Variants in ITM2B observed in about 807,000 individuals in gnomAD.
ITM2B encodes the protein ABri/ADan amyloid peptide.
A neutral mutation model predicts 27.8 loss-of-function variants in ITM2B; 11 were observed. That is an observed-to-expected ratio of 0.40 (90% confidence interval 0.25 to 0.66). The LOEUF (loss-of-function observed/expected upper bound fraction) is 0.66. Ranked by LOEUF, ITM2B falls within the 30% of genes least tolerant of loss-of-function variation. ITM2B has a pLI of 0.43. For missense variants in ITM2B, 296 were observed against 328.9 expected (o/e 0.90, Z 0.77); for synonymous variants, 114 against 114.3 (o/e 1.00, Z 0.02).
At position 48,258,032 on chromosome 13, in the gene ITM2B, A is replaced by G; in HGVS notation, c.454-94A>G. On this transcript the variant is annotated intron_variant, in intron 3 of 5. Transcript: ENST00000647800. ...AAGTGATTTATACATTCTAAAGCCA[A>G]TTCATTTTAATGATACAAATTATTC... is the stretch of plus-strand genomic sequence containing the variant. The G allele has an allele frequency of 5.4e-6, 4 of 734,474 alleles. No individual in the cohort carries two copies. In the Admixed American group the frequency reaches 5.6e-5, roughly 10 times the overall value. 45.5% of individuals were successfully genotyped at this position (734,474 alleles called of 1,614,324 possible).
At chr13:48,247,009 A>ATTAGAGAC (rs1951727753) in intron 1 of ITM2B, among the ~76,000 whole-genome samples, 1 of 152,006 alleles carries the variant, frequency 6.6e-6, no homozygotes, top group Admixed American at 6.6e-5. Context: ...GTGTATTTTT[A>ATTAGAGAC]TTAGAGACGG....
intron 1 of ITM2B, among the ~76,000 whole-genome samples, chr13:48,246,187 C>G (rs1951723556): frequency 6.6e-6 from 1 of 152,186 alleles, no homozygotes. Flanking sequence ...ACTGTAAATA[C>G]TAATTTAACT....
chr13:48,249,243 A>C (rs559112839), intron 1 of ITM2B, among the ~76,000 whole-genome samples: 1 of 152,350 alleles, frequency 6.6e-6, no homozygotes, highest in South Asian at 2.1e-4. Context: ...ATGTGATCAT[A>C]TAGTGAGTAA....
chr13:48,251,454 G>A (rs78461840), intron 1 of ITM2B, among the ~76,000 whole-genome samples: 2 of 152,060 alleles, frequency 1.3e-5, no homozygotes, highest in African/African-American at 4.8e-5. Context: ...TGATCTAACA[G>A]GTCTCTTTCT....
chr13:48,253,588 A>G (rs1951766598), intron 1 of ITM2B, among the ~76,000 whole-genome samples: 1 of 152,178 alleles, frequency 6.6e-6, no homozygotes, highest in Non-Finnish European at 1.5e-5. Flanking sequence ...TTAGAAGTAG[A>G]CAACTCTCCT....
At chr13:48,246,646 C>T (rs1951725952) in intron 1 of ITM2B, among the ~76,000 whole-genome samples, 1 of 151,940 alleles carries the variant, frequency 6.6e-6, no homozygotes, top group Admixed American at 6.6e-5. Context: ...AACTCAAAAC[C>T]CTTTATATGG....
At chr13:48,247,559 T>G (rs984052279) in intron 1 of ITM2B, among the ~76,000 whole-genome samples, 1 of 152,176 alleles carries the variant, frequency 6.6e-6, no homozygotes, top group Non-Finnish European at 1.5e-5. Flanking sequence ...TTTGTTAGTT[T>G]GAGAACAGAA....
At chr13:48,257,128 G>T (rs945028856) in intron 3 of ITM2B, among the ~76,000 whole-genome samples, 2 of 151,992 alleles carry the variant, frequency 1.3e-5, no homozygotes, top group Admixed American at 6.6e-5. Context: ...ATAGATTAAC[G>T]ACAATAATAA....
intron 1 of ITM2B, among the ~76,000 whole-genome samples, chr13:48,249,279 T>C (rs953455669): frequency 1.3e-5 from 2 of 152,214 alleles, no homozygotes; most frequent in African/African-American, 4.8e-5. Flanking sequence ...TTCTTTCACT[T>C]AGCATGTTTT....
chr13:48,241,919 A>T (rs1951701618), intron 1 of ITM2B, among the ~76,000 whole-genome samples: 1 of 152,102 alleles, frequency 6.6e-6, no homozygotes, highest in African/African-American at 2.4e-5. Flanking sequence ...GACCTTGTGG[A>T]CCCCCTGAAC....
chr13:48,268,957 G>A lies in ITM2B; in HGVS notation c.*7733G>A, dbSNP rs778158798. ...TGGAAGGTCTAACCAAATATGTAAT[G>A]TATCCCTTCAAGTAAACTAGTATAA... On this transcript the variant is annotated 3_prime_UTR_variant, in exon 6 of 6. Transcript: ENST00000647800. The A allele has an allele frequency of 6.6e-6, 1 of 152,086 alleles. No homozygotes were observed. The highest frequency in any genetic ancestry group is 2.4e-5 in the African/African-American group (1 of 41,402). The allele number at this position is 152,086 out of a possible 1,614,324, so 9.4% of individuals were successfully genotyped here. A position where few individuals can be genotyped will look rare whatever the true frequency, so the allele number is the denominator to read the frequency against.
rs761646574 is a variant in ITM2B at position 48,253,822 on chromosome 13, G to A, written c.132G>A (p.Val44=). ...TCATATTTTAGGACCCAGATGATGTGGTACCAGTTGGCCAAAGAAGAGCCT... is the reference window on the plus strand; with the variant it reads ...TCATATTTTAGGACCCAGATGATGTAGTACCAGTTGGCCAAAGAAGAGCCT... ...VAVDCKDPDD[V]VPVGQRRAWC... Residue 44 remains valine, a synonymous_variant, in exon 2 of 6, where the codon GTG becomes GTA. Coordinates refer to ENST00000647800, the MANE Select transcript of ITM2B (RefSeq NM_021999.5). The A allele has an allele frequency of 4.3e-6, 7 of 1,613,554 alleles. No homozygotes were observed. The highest frequency in any genetic ancestry group is 5.9e-6 in the Non-Finnish European group (7 of 1,179,728).
At chr13:48,237,060 C>G (rs1566157504) in intron 1 of ITM2B, among the ~76,000 whole-genome samples, 1 of 152,172 alleles carries the variant, frequency 6.6e-6, no homozygotes, top group Non-Finnish European at 1.5e-5. Flanking sequence ...TTTCCCTATT[C>G]ACACAATCAA....
chr13:48,237,870 T>G (rs181091387), intron 1 of ITM2B, among the ~76,000 whole-genome samples: 2 of 152,344 alleles, frequency 1.3e-5, no homozygotes, highest in East Asian at 3.9e-4. Context: ...TGTACTGCTT[T>G]GTATGTCAGT....
rs1235480239 is a variant in ITM2B, at chr13:48,267,297, A to G, written c.*6073A>G. On this transcript the variant is annotated 3_prime_UTR_variant, in exon 6 of 6. Transcript: ENST00000647800. ...CATTTCTTAAAACATAATTAGCCAAATACTAGTGTAACAGCTACAACTTAT... is the reference window on the plus strand; with the variant it reads ...CATTTCTTAAAACATAATTAGCCAAGTACTAGTGTAACAGCTACAACTTAT... 1 of 152,228 alleles carries G rather than the reference A, an allele frequency of 6.6e-6. No homozygotes were observed. The highest frequency in any genetic ancestry group is 1.5e-5 in the Non-Finnish European group (1 of 68,048). 9.4% of individuals were successfully genotyped at this position (152,228 alleles called of 1,614,324 possible).
At chr13:48,237,041 C>G (rs1352217654) in intron 1 of ITM2B, among the ~76,000 whole-genome samples, 1 of 152,156 alleles carries the variant, frequency 6.6e-6, no homozygotes, top group African/African-American at 2.4e-5. Context: ...GTTCTTTACC[C>G]TTTCTGGTTT....
chr13:48,246,240 T>C (rs1951723990), intron 1 of ITM2B, among the ~76,000 whole-genome samples: 1 of 152,264 alleles, frequency 6.6e-6, no homozygotes, highest in African/African-American at 2.4e-5. Flanking sequence ...CAGAGGCCTT[T>C]GTGAAATAGA....
intron 3 of ITM2B, among the ~76,000 whole-genome samples, chr13:48,256,800 T>C (rs1432108176): frequency 6.6e-6 from 1 of 152,230 alleles, no homozygotes; most frequent in Non-Finnish European, 1.5e-5. Context: ...AAAAGTTGAA[T>C]ACCCAAAATC....
intron 1 of ITM2B, among the ~76,000 whole-genome samples, chr13:48,244,121 A>G (rs983082467): frequency 6.6e-6 from 1 of 152,200 alleles, no homozygotes; most frequent in Non-Finnish European, 1.5e-5. Context: ...TAGGGGATCT[A>G]TTCCTGAGAA....
Sources: gnomAD v4.1 joint callset for allele counts (sites outside exome capture counted in the v4.1 genomes callset) on GRCh38, gnomAD v4.1.1 for gene constraint, MANE v1.5 for transcripts, NCBI Gene and HGNC (gene_info 2026-07-23, HGNC 2026-07-21) for gene names.